Variants in PTPRT observed in about 807,000 individuals in gnomAD.
PTPRT encodes the protein protein tyrosine phosphatase receptor type T.
A neutral mutation model predicts 176.8 loss-of-function variants in PTPRT; 56 were observed. That is an observed-to-expected ratio of 0.32 (90% CI 0.26 to 0.40). The LOEUF (loss-of-function observed/expected upper bound fraction) is 0.40, where lower values mean the gene tolerates loss of function less well. Among genes scored for constraint, PTPRT ranks in the 10% least tolerant of loss-of-function variants. The probability of loss-of-function intolerance (pLI) is 1.00; values close to 1 mark genes in which losing one functional copy is unlikely to be tolerated. For missense variants in PTPRT, 1,540 were observed against 1,908.2 expected (o/e 0.81, Z 3.60); for synonymous variants, 783 against 739.0 (o/e 1.06, Z -0.96).
At chr20:42,493,101 T>G (rs73125497) in intron 7 of PTPRT, among the ~76,000 whole-genome samples, 1 of 152,324 alleles carries the variant, frequency 6.6e-6, no homozygotes, top group Non-Finnish European at 1.5e-5. Flanking sequence ...CATGTAAAGT[T>G]TTAAATACTA....
chr20:42,977,791 T>C (rs1983034359), intron 1 of PTPRT, among the ~76,000 whole-genome samples: 1 of 152,190 alleles, frequency 6.6e-6, no homozygotes, highest in African/African-American at 2.4e-5. Flanking sequence ...TTGCTGAACA[T>C]TTAAAATTGT....
chr20:42,605,639 T>C (rs1214474567), intron 7 of PTPRT, among the ~76,000 whole-genome samples: 1 of 152,090 alleles, frequency 6.6e-6, no homozygotes, highest in Non-Finnish European at 1.5e-5. Flanking sequence ...ATTTAAGTGG[T>C]TGTGGCTTTC....
chr20:42,396,067 T>G (rs1182991588), intron 9 of PTPRT, among the ~76,000 whole-genome samples: 1 of 152,154 alleles, frequency 6.6e-6, no homozygotes, highest in East Asian at 1.9e-4. Flanking sequence ...ACTTGATATC[T>G]CACCCAAAAT....
intron 1 of PTPRT, among the ~76,000 whole-genome samples, chr20:43,046,324 C>A (rs1455167529): frequency 1.3e-5 from 2 of 152,062 alleles, no homozygotes; most frequent in Non-Finnish European, 2.9e-5. Flanking sequence ...GTAATCCCAG[C>A]ACTTTGGGAG....
Position 42,378,683 on chromosome 20 carries a change from G to A in PTPRT, c.1561-26398C>T, listed in dbSNP as rs181265272. On this transcript the variant is annotated intron_variant, in intron 9 of 30. Transcript: ENST00000373187. Reference sequence around the variant, plus strand: ...CAGCATTGTGCCACGGTTAAGATACGGGCTCTAGGTTCAGACTGCCTATAT... The same window carrying A: ...CAGCATTGTGCCACGGTTAAGATACAGGCTCTAGGTTCAGACTGCCTATAT... 5.6e-3 allele frequency among the ~76,000 whole-genome samples: 852 copies of A among 152,196 alleles called. 5 individuals carry two copies. Among genetic ancestry groups the A allele is most frequent in the Non-Finnish European group, 7.7e-3 (525 of 68,014 alleles).
intron 1 of PTPRT, among the ~76,000 whole-genome samples, chr20:43,008,978 G>A (rs953318738): frequency 4.6e-5 from 7 of 152,080 alleles, no homozygotes; most frequent in Non-Finnish European, 1.0e-4. Context: ...ACATGTCAAG[G>A]GCTTCCTTCT....
At chr20:43,019,969 G>C (rs905861294) in intron 1 of PTPRT, among the ~76,000 whole-genome samples, 1 of 151,766 alleles carries the variant, frequency 6.6e-6, no homozygotes, top group Admixed American at 6.6e-5. Context: ...TGGTTCTGAG[G>C]CCTTCAGACG....
chr20:42,677,788 C>T (rs2146062634), intron 7 of PTPRT, 78 bp downstream of exon 7: 1 of 1,487,452 alleles, frequency 6.7e-7, no homozygotes, highest in South Asian at 1.3e-5. Flanking sequence ...TTATCTGTCA[C>T]AGGAAGGCAA....
chr20:42,150,227 T>C (rs747811492), intron 17 of PTPRT, among the ~76,000 whole-genome samples: 1 of 151,994 alleles, frequency 6.6e-6, no homozygotes, highest in Non-Finnish European at 1.5e-5. Context: ...CACTCCCAAT[T>C]CAAGGCTGAG....
At chr20:42,811,850 T>G (rs2077702512) in intron 2 of PTPRT, among the ~76,000 whole-genome samples, 1 of 152,184 alleles carries the variant, frequency 6.6e-6, no homozygotes, top group Non-Finnish European at 1.5e-5. Flanking sequence ...CTTTTATTTT[T>G]GTTTGCTTTT....
At chr20:42,066,115 CTG>C in the PTPRT span, among the ~76,000 whole-genome samples, 1 of 148,580 alleles carries the variant, frequency 6.7e-6, no homozygotes, top group Admixed American at 6.7e-5. Flanking sequence ...TCTTGGCTCA[CTG>C]TAACCTCTGC....
chr20:42,515,466 G>A (rs181296342), intron 7 of PTPRT, among the ~76,000 whole-genome samples: 1 of 152,288 alleles, frequency 6.6e-6, no homozygotes, highest in Admixed American at 6.5e-5. Flanking sequence ...CTGAGTGACA[G>A]AGCAAGACTC....
At chr20:42,816,461 T>C (rs1439362260) in intron 2 of PTPRT, among the ~76,000 whole-genome samples, 1 of 152,230 alleles carries the variant, frequency 6.6e-6, no homozygotes, top group African/African-American at 2.4e-5. Flanking sequence ...GGTTTGGCTC[T>C]GTATCCCCAC....
chr20:42,243,521 C>T (rs1231536212), intron 14 of PTPRT, among the ~76,000 whole-genome samples: 1 of 152,118 alleles, frequency 6.6e-6, no homozygotes, highest in Non-Finnish European at 1.5e-5. Context: ...GGCTGAGAGT[C>T]AGAGTGTGAT....
intron 7 of PTPRT, among the ~76,000 whole-genome samples, chr20:42,475,822 G>T (rs2071278907): frequency 6.6e-6 from 1 of 152,172 alleles, no homozygotes; most frequent in Non-Finnish European, 1.5e-5. Flanking sequence ...CTAAACAGGA[G>T]CATCTTTTTA....
chr20:43,012,070 G>A (rs575985273), intron 1 of PTPRT, among the ~76,000 whole-genome samples: 50 of 152,270 alleles, frequency 3.3e-4, no homozygotes, highest in African/African-American at 1.2e-3. Flanking sequence ...TTTAGGACTC[G>A]GACTGGCTTC....
intron 27 of PTPRT, among the ~76,000 whole-genome samples, chr20:42,096,756 A>AATTTTTTTTT (rs1555862037): frequency 8.4e-6 from 1 of 118,868 alleles, no homozygotes; most frequent in Non-Finnish European, 1.7e-5. Context: ...GCTAATTAAA[A>AATTTTTTTTT]TTTTTTTTTT....
intron 6 of PTPRT, among the ~76,000 whole-genome samples, chr20:42,737,717 G>A (rs1345513273): frequency 2.0e-5 from 3 of 151,900 alleles, no homozygotes; most frequent in Non-Finnish European, 4.4e-5. Context: ...TGGACTTCAG[G>A]ACTCCAGAAC....
intron 1 of PTPRT, among the ~76,000 whole-genome samples, chr20:43,058,090 G>T (rs575484279): frequency 1.3e-5 from 2 of 152,196 alleles, no homozygotes; most frequent in African/African-American, 2.4e-5. Flanking sequence ...CACACAGCTG[G>T]AGAGAAGCAG....
Sources: allele counts gnomAD v4.1 joint callset (sites outside exome capture counted in the v4.1 genomes callset), GRCh38; gene constraint gnomAD v4.1.1; transcripts MANE v1.5; gene names NCBI Gene and HGNC (gene_info 2026-07-23, HGNC 2026-07-21).